The following LTBP3 variants were observed in gnomAD, a reference collection of about 807,000 sequenced individuals.
LTBP3 encodes latent transforming growth factor beta binding protein 3.
In LTBP3, 97 loss-of-function variants were observed where a neutral mutation model predicts 159.7. That is an observed-to-expected ratio of 0.61 (90% confidence interval 0.52 to 0.72). The LOEUF is 0.72. Ranked by LOEUF, LTBP3 falls within the 30% of genes least tolerant of loss-of-function variation. LTBP3 has a pLI of 0.00. For synonymous variants in LTBP3, 824 were observed against 777.1 expected (o/e 1.06, Z -1.00); for missense variants, 1,584 against 1,864.3 (o/e 0.85, Z 2.77).
rs775770072 is a variant in LTBP3, at chr11:65,541,732, C to T, written c.2597-4G>A. The stretch of plus-strand genomic sequence containing the variant: ...TCCTGGCTGCACTCATCTATGTCTG[C>T]GGGGCAAGAGTAGCGCAGCTGGAAA... On this transcript the variant is annotated splice_region_variant and splice_polypyrimidine_tract_variant and intron_variant, in intron 18 of 27. Transcript: ENST00000301873. The T allele has an allele frequency of 2.5e-6, 4 of 1,613,882 alleles. No homozygotes were observed. The highest frequency in any genetic ancestry group is 1.1e-5 in the South Asian group (1 of 91,070).
chr11:65,546,125 C>A lies in LTBP3; in HGVS notation c.2353+317G>T. The A allele has an allele frequency of 2.5e-6, 1 of 400,566 alleles. No individual in the cohort carries two copies. Among genetic ancestry groups the A allele is most frequent in the African/African-American group, 2.2e-5 (1 of 46,432 alleles). 24.8% of individuals were successfully genotyped at this position (400,566 alleles called of 1,614,324 possible). On this transcript the variant is annotated intron_variant, in intron 16 of 27. Coordinates refer to ENST00000301873, the MANE Select transcript of LTBP3 (RefSeq NM_001130144.3). The surrounding 1 kb of genome is among the most constrained non-coding windows in gnomAD (Gnocchi z 4.0). ...TTTTCAATGAGTCCCAGCCCCCAGC[C>A]CCGCCTCTTGGCGTATAATAAACAG...
chr11:65,555,752 C>T (rs1453419849), intron 1 of LTBP3, among the ~76,000 whole-genome samples: 2 of 152,210 alleles, frequency 1.3e-5, no homozygotes, highest in Non-Finnish European at 2.9e-5. Context: ...GGCTCTGACT[C>T]ATCCCAAAGC....
chr11:65,546,437 C>T lies in LTBP3; in HGVS notation c.2353+5G>A. The T allele has an allele frequency of 6.4e-7, 1 of 1,550,980 alleles. No homozygotes were observed. The highest frequency in any genetic ancestry group is 8.7e-7 in the Non-Finnish European group (1 of 1,155,132). On this transcript the variant is annotated splice_donor_5th_base_variant and intron_variant, in intron 16 of 27. Coordinates refer to ENST00000301873, the MANE Select transcript of LTBP3 (RefSeq NM_001130144.3). This position sits in a 1 kb window ranked among gnomAD's most constrained non-coding sequence, Gnocchi z 4.0. ...GAGGCCCGGGGCGGGGGTGCTGGCGCTCACCCAAGCAACTGCGGCCGTCGG... is the reference window on the plus strand; with the variant it reads ...GAGGCCCGGGGCGGGGGTGCTGGCGTTCACCCAAGCAACTGCGGCCGTCGG...
chr11:65,551,305 A>T lies in LTBP3; in HGVS notation c.1622-81T>A, dbSNP rs1361461830. 5.8e-6 allele frequency: 9 copies of T among 1,541,598 alleles called. No homozygotes were observed. The Admixed American group carries it at 1.3e-4, about 23-fold the overall frequency. On this transcript the variant is annotated intron_variant, in intron 10 of 27. Transcript: ENST00000301873. ...CACTTCAGTCTTGGCCCGGCGCCCC[A>T]CCCCAGCTTGACTGTCCCCGAGTAC...
chr11:65,539,246 G>T lies in LTBP3; in HGVS notation c.3761-15C>A, dbSNP rs376049741. 5.9e-6 allele frequency: 9 copies of T among 1,524,632 alleles called. No individual in the cohort carries two copies. Among genetic ancestry groups the T allele is most frequent in the South Asian group, 1.2e-5 (1 of 83,150 alleles). 94.4% of individuals were successfully genotyped at this position (1,524,632 alleles called of 1,614,324 possible). On this transcript the variant is annotated splice_polypyrimidine_tract_variant and intron_variant, in intron 27 of 27. Transcript: ENST00000301873. ...CTCGTCGATATCTGAAGGTGAGGGC[G>T]ACAGGTGCGGCTTCGCTGAGCCTCC...
chr11:65,543,365 G>T, intron 17 of LTBP3, 62 bp downstream of exon 17: 1 of 1,611,188 alleles, frequency 6.2e-7, no homozygotes, highest in South Asian at 1.1e-5. Context: ...ACTGGACCCT[G>T]GGGGGTGGGG....
rs1856360270 is a variant in LTBP3 at position 65,546,252 on chromosome 11, C to T, written c.2353+190G>A. The T allele has an allele frequency of 1.1e-5, 8 of 703,992 alleles. No individual in the cohort carries two copies. The highest frequency in any genetic ancestry group is 1.6e-5 in the Non-Finnish European group (7 of 442,572). The allele number at this position is 703,992 out of a possible 1,614,324, so 43.6% of individuals were successfully genotyped here. ...GCAAACGCAGCTTCGAGCTCTACCC[C>T]GAGACCCTTCCTACGTGGAAATTCT... On this transcript the variant is annotated intron_variant, in intron 16 of 27. Coordinates refer to ENST00000301873, the MANE Select transcript of LTBP3 (RefSeq NM_001130144.3). This position sits in a 1 kb window ranked among gnomAD's most constrained non-coding sequence, Gnocchi z 4.0.
rs1233301755 is a variant in LTBP3, at chr11:65,541,697, C to G, written c.2628G>C (p.Leu876=). The G allele has an allele frequency of 6.2e-7, 1 of 1,614,028 alleles. No individual in the cohort carries two copies. Among genetic ancestry groups the G allele is most frequent in the African/African-American group, 1.3e-5 (1 of 74,916 alleles). The change falls in exon 19 of 28, where the codon CTG becomes CTC. Residue 876 remains leucine, a synonymous_variant. Transcript: ENST00000301873. The part of the protein sequence containing the change: ...DIDECSQDPS[L]CLPHGACKNL... ...TCTTGCAGGCCCCATGGGGAAGGCA[C>G]AGGCTCGGGTCCTGGCTGCACTCAT...
At chr11:65,549,526 G>C (rs1856512380) in intron 11 of LTBP3, among the ~76,000 whole-genome samples, 1 of 145,508 alleles carries the variant, frequency 6.9e-6, no homozygotes, top group Non-Finnish European at 1.5e-5. Flanking sequence ...ATTCTCCTGA[G>C]TAGCTGGGAC....
At chr11:65,551,824 G>A in intron 8 of LTBP3, 148 bp downstream of exon 8, 1 of 1,027,322 alleles carries the variant, frequency 9.7e-7, no homozygotes, top group Non-Finnish European at 1.5e-6. Context: ...CTGGGTCAGG[G>A]GTCAGAGGGT....
Position 65,551,454 on chromosome 11 carries a change from T to A in LTBP3, c.1569A>T (p.Ser523=). The change falls in exon 10 of 28, where the codon TCA becomes TCT. Residue 523 remains serine (S), a synonymous_variant. Coordinates refer to ENST00000301873, the MANE Select transcript of LTBP3 (RefSeq NM_001130144.3). ...TTDSPVSEER[S]VQQSHPTATT... The stretch of plus-strand genomic sequence containing the variant: ...TGGCAGTTGGGTGGCTCTGCTGCAC[T>A]GACCTCTCCTCACTCACCGGCTGCG... 1 of 1,614,016 alleles carries A rather than the reference T, an allele frequency of 6.2e-7. No homozygotes were observed. The highest frequency in any genetic ancestry group is 8.5e-7 in the Non-Finnish European group (1 of 1,179,998).
intron 11 of LTBP3, among the ~76,000 whole-genome samples, chr11:65,549,252 C>T (rs957248655): frequency 6.6e-6 from 1 of 152,200 alleles, no homozygotes; most frequent in Non-Finnish European, 1.5e-5. Flanking sequence ...AGGCTCAGTG[C>T]ACTGGACTTC....
chr11:65,547,348 G>GA lies in LTBP3; in HGVS notation c.2107+90dup, dbSNP rs553808538. 0.034 allele frequency: 27,021 copies of GA among 799,294 alleles called. No homozygotes were observed. The highest frequency in any genetic ancestry group is 0.036 in the Non-Finnish European group (21,725 of 603,550). The allele number at this position is 799,294 out of a possible 1,614,324, so 49.5% of individuals were successfully genotyped here. A position where few individuals can be genotyped will look rare whatever the true frequency, so the allele number is the denominator to read the frequency against. On this transcript the variant is annotated intron_variant, in intron 14 of 27. Transcript: ENST00000301873. The surrounding 1 kb of genome is among the most constrained non-coding windows in gnomAD (Gnocchi z 4.6). Reference sequence around the variant, plus strand: ...GACAGAGTGAGACTCCGTCTCGGGGGAAAAAAAAAAAAATGCAGGCACCCC... The same window carrying GA: ...GACAGAGTGAGACTCCGTCTCGGGGGAAAAAAAAAAAAAATGCAGGCACCCC...
chr11:65,547,859 G>A lies in LTBP3; in HGVS notation c.1847-38C>T, dbSNP rs1220054079. The stretch of plus-strand genomic sequence containing the variant: ...GGTAGGCCAAGAAAAGTCAAAGGAA[G>A]CGTCGTTATCTGGGGTCCCCCCCCA... On this transcript the variant is annotated intron_variant, in intron 12 of 27. Coordinates refer to ENST00000301873, the MANE Select transcript of LTBP3 (RefSeq NM_001130144.3). The surrounding 1 kb of genome is among the most constrained non-coding windows in gnomAD (Gnocchi z 4.6). 1.9e-6 allele frequency: 3 copies of A among 1,613,144 alleles called. No individual in the cohort carries two copies. The highest frequency in any genetic ancestry group is 2.5e-6 in the Non-Finnish European group (3 of 1,179,964).
At chr11:65,556,253 C>T (rs930173968) in intron 1 of LTBP3, among the ~76,000 whole-genome samples, 2 of 152,184 alleles carry the variant, frequency 1.3e-5, no homozygotes, top group African/African-American at 4.8e-5. Flanking sequence ...TTTGGCCGGG[C>T]GCAGTGGCTC....
At chr11:65,540,754 A>T in intron 21 of LTBP3, 117 bp downstream of exon 21, 1 of 1,035,428 alleles carries the variant, frequency 9.7e-7, no homozygotes, top group Non-Finnish European at 1.3e-6. Context: ...CCTGCGAGGA[A>T]GGTGCGGGCG....
chr11:65,541,778 G>T (rs758095987), intron 18 of LTBP3, 50 bp from the exon 19 acceptor site: 9 of 1,609,552 alleles, frequency 5.6e-6, no homozygotes, highest in Non-Finnish European at 6.8e-6. Context: ...CTTTCCCTGG[G>T]GCTGCACCTC....
Position 65,547,016 on chromosome 11 carries a change from A to C in LTBP3, c.2108-96T>G. ...GCAGGGACTTCCTCCCACACAGATCAACGAGGCTCCCGGACCCCAACCTCT... is the reference window on the plus strand; with the variant it reads ...GCAGGGACTTCCTCCCACACAGATCCACGAGGCTCCCGGACCCCAACCTCT... On this transcript the variant is annotated intron_variant, in intron 14 of 27. Transcript: ENST00000301873. The surrounding 1 kb of genome is among the most constrained non-coding windows in gnomAD (Gnocchi z 4.6). 7 of 1,558,060 alleles carry C rather than the reference A, an allele frequency of 4.5e-6. No individual in the cohort carries two copies. Among genetic ancestry groups the C allele is most frequent in the Non-Finnish European group, 6.1e-6 (7 of 1,145,902 alleles).
At chr11:65,542,967 T>C in intron 18 of LTBP3, 138 bp downstream of exon 18, 1 of 1,104,582 alleles carries the variant, frequency 9.1e-7, no homozygotes, top group Non-Finnish European at 1.3e-6. Flanking sequence ...GATGGATGGA[T>C]GGATGGATAG....
Sources: gnomAD v4.1 joint callset for allele counts (sites outside exome capture counted in the v4.1 genomes callset) on GRCh38, gnomAD v4.1.1 for gene constraint, Gnocchi (gnomAD v3.1) non-coding constraint, MANE v1.5 for transcripts, NCBI Gene and HGNC (gene_info 2026-07-23, HGNC 2026-07-21) for gene names.